GLRB: variants seen among roughly 807,000 people sequenced by gnomAD.
GLRB encodes the protein glycine receptor subunit beta.
GLRB carries 33 observed loss-of-function variants against 54.2 expected under a neutral mutation model. That is an observed-to-expected ratio of 0.61 (90% CI 0.46 to 0.81). GLRB has a LOEUF of 0.81. GLRB is among the 40% of genes least tolerant of loss of function. The probability of loss-of-function intolerance (pLI) is 0.00; values close to 1 mark genes in which losing one functional copy is unlikely to be tolerated. For synonymous variants in GLRB, 209 were observed against 208.2 expected (o/e 1.00, Z -0.03); for missense variants, 572 against 584.6 (o/e 0.98, Z 0.22).
intron 2 of GLRB, among the ~76,000 whole-genome samples, chr4:157,092,744 A>G (rs1734663838): frequency 6.6e-6 from 1 of 152,210 alleles, no homozygotes. Flanking sequence ...TTCAGCGTTC[A>G]TATATAAAGA....
chr4:157,128,051 G>T (rs1164894822), intron 4 of GLRB, among the ~76,000 whole-genome samples: 3 of 151,826 alleles, frequency 2.0e-5, no homozygotes. Context: ...AAGTCCAGCT[G>T]AAGGATTATC....
At chr4:157,095,290 C>T (rs1001757585) in intron 2 of GLRB, among the ~76,000 whole-genome samples, 10 of 132,668 alleles carry the variant, frequency 7.5e-5, no homozygotes, top group African/African-American at 1.4e-4. Context: ...GTGATTCCCA[C>T]GTTTTGTGCC....
chr4:157,115,895 G>A (rs1429400144), intron 2 of GLRB, among the ~76,000 whole-genome samples: 4 of 151,672 alleles, frequency 2.6e-5, no homozygotes, highest in East Asian at 2.0e-4. Context: ...GGTCTGAGAC[G>A]GCCTCTGACA....
intron 8 of GLRB, among the ~76,000 whole-genome samples, 200 bp from the exon 9 acceptor site, chr4:157,152,518 A>T (rs1737059116): frequency 6.6e-6 from 1 of 152,158 alleles, no homozygotes; most frequent in Admixed American, 6.5e-5. Flanking sequence ...GTATTTACAA[A>T]ATCCTCAACC....
At chr4:157,105,924 A>G (rs1735207315) in intron 2 of GLRB, among the ~76,000 whole-genome samples, 1 of 152,106 alleles carries the variant, frequency 6.6e-6, no homozygotes, top group South Asian at 2.1e-4. Context: ...CTTTTTTAAA[A>G]AAATTATATC....
intron 2 of GLRB, among the ~76,000 whole-genome samples, chr4:157,081,991 C>T (rs1009613681): frequency 6.6e-6 from 1 of 152,110 alleles, no homozygotes; most frequent in African/African-American, 2.4e-5. Flanking sequence ...TCTCATATAC[C>T]CGTGCTCTTT....
chr4:157,090,991 C>G (rs947460590), intron 2 of GLRB, among the ~76,000 whole-genome samples: 4 of 151,930 alleles, frequency 2.6e-5, no homozygotes, highest in Admixed American at 2.6e-4. Context: ...AAATATTTTC[C>G]TAAATATTCA....
At chr4:157,152,620 T>C in intron 8 of GLRB, 98 bp from the exon 9 acceptor site, 1 of 930,486 alleles carries the variant, frequency 1.1e-6, no homozygotes, top group Non-Finnish European at 1.8e-6. Context: ...TCATGGGTCA[T>C]TGGAAGTTAC....
At chr4:157,144,048 GT>G in intron 8 of GLRB, 89 bp downstream of exon 8, 1 of 1,328,200 alleles carries the variant, frequency 7.5e-7, no homozygotes, top group Non-Finnish European at 1.1e-6. Context: ...GAAACAATGA[GT>G]TTTAGAATTG....
At chr4:157,158,679 C>T (rs1045308004) in intron 9 of GLRB, among the ~76,000 whole-genome samples, 2 of 152,094 alleles carry the variant, frequency 1.3e-5, no homozygotes, top group Non-Finnish European at 2.9e-5. Flanking sequence ...CTATTCTGTT[C>T]TGTTGGTCTA....
At chr4:157,153,249 G>C (rs1737096071) in intron 9 of GLRB, among the ~76,000 whole-genome samples, 1 of 152,146 alleles carries the variant, frequency 6.6e-6, no homozygotes, top group South Asian at 2.1e-4. Context: ...TAAATTTTTT[G>C]AGGACTTTGC....
chr4:157,158,584 A>G (rs1288718901), intron 9 of GLRB, among the ~76,000 whole-genome samples: 1 of 152,220 alleles, frequency 6.6e-6, no homozygotes, highest in African/African-American at 2.4e-5. Context: ...TTTATTAAAT[A>G]GAGATTCATT....
intron 9 of GLRB, among the ~76,000 whole-genome samples, chr4:157,167,459 G>A (rs948885126): frequency 9.8e-5 from 15 of 152,358 alleles, no homozygotes; most frequent in African/African-American, 3.6e-4. Context: ...ATGTGAGTGT[G>A]CAAGTCTGTG....
intron 2 of GLRB, among the ~76,000 whole-genome samples, chr4:157,085,748 C>T (rs1381109434): frequency 6.6e-6 from 1 of 151,860 alleles, no homozygotes; most frequent in Non-Finnish European, 1.5e-5. Context: ...CCACCCACCT[C>T]GGCCTCCCAA....
chr4:157,095,544 T>C lies in GLRB; in HGVS notation c.122+17398T>C, dbSNP rs937224692. Reference sequence around the variant, plus strand: ...TTGTAAATTATGAAACTAGATGAGGTCACTTAAAAAGTGACTTAGCTAGAA... The same window carrying C: ...TTGTAAATTATGAAACTAGATGAGGCCACTTAAAAAGTGACTTAGCTAGAA... On this transcript the variant is annotated intron_variant, in intron 2 of 9. Transcript: ENST00000264428. Among the ~76,000 whole-genome samples, 6 of 151,420 alleles carry C rather than the reference T, an allele frequency of 4.0e-5. No homozygotes were observed. In the East Asian group the frequency reaches 1.2e-3, roughly 30 times the overall value.
chr4:157,138,528 T>C (rs1312319948), intron 6 of GLRB, among the ~76,000 whole-genome samples: 1 of 152,188 alleles, frequency 6.6e-6, no homozygotes, highest in Non-Finnish European at 1.5e-5. Context: ...AATTCTGACA[T>C]AGAGAAATAA....
At chr4:157,143,454 C>T (rs1376117286) in intron 7 of GLRB, among the ~76,000 whole-genome samples, 1 of 151,912 alleles carries the variant, frequency 6.6e-6, no homozygotes, top group Non-Finnish European at 1.5e-5. Context: ...GCCTGTATGA[C>T]TCCTTTAGAT....
Position 157,093,479 on chromosome 4 carries a change from A to C in GLRB, c.122+15333A>C, listed in dbSNP as rs576971370. On this transcript the variant is annotated intron_variant, in intron 2 of 9. Coordinates refer to ENST00000264428, the MANE Select transcript of GLRB (RefSeq NM_000824.5). ...GTTCTGGCCAGGCGCAGTGACTCAC[A>C]CCTGTAATCCCAGCACTTTGGGAGG... 1.4e-4 allele frequency among the ~76,000 whole-genome samples: 22 copies of C among 152,246 alleles called. 1 individual carries two copies. The South Asian group carries it at 3.7e-3, about 26-fold the overall frequency.
intron 2 of GLRB, chr4:157,084,790 G>T (rs1367251577): frequency 2.3e-6 from 1 of 430,974 alleles, no homozygotes; most frequent in East Asian, 7.1e-5. Context: ...TATTATATTA[G>T]CCATCTTCCT....
Sources: gnomAD v4.1 joint callset for allele counts (sites outside exome capture counted in the v4.1 genomes callset) on GRCh38, gnomAD v4.1.1 for gene constraint, MANE v1.5 for transcripts, NCBI Gene and HGNC (gene_info 2026-07-23, HGNC 2026-07-21) for gene names.